The following NOL11 variants were observed in gnomAD, a reference collection of about 807,000 sequenced individuals.
NOL11 encodes the protein nucleolar protein 11.
Under a neutral mutation model 93.0 loss-of-function variants are expected in NOL11, and 42 were observed. The ratio of observed to expected loss-of-function variants is 0.45; its 90% CI spans 0.35 to 0.58. The LOEUF is 0.58. NOL11 is among the 20% of genes least tolerant of loss of function. NOL11 has a pLI of 0.00. For synonymous variants in NOL11, 296 were observed against 293.7 expected (o/e 1.01, Z -0.08); for missense variants, 775 against 841.8 (o/e 0.92, Z 0.98).
intron 6 of NOL11, among the ~76,000 whole-genome samples, chr17:67,725,477 G>T (rs1567800127): frequency 6.6e-6 from 1 of 152,176 alleles, no homozygotes; most frequent in Non-Finnish European, 1.5e-5. Flanking sequence ...GAAGGTGAAG[G>T]AGAAGTAAAC....
chr17:67,718,144 C>T, intron 1 of NOL11, 56 bp downstream of exon 1: 1 of 1,587,678 alleles, frequency 6.3e-7, no homozygotes. Flanking sequence ...TTTCTGAGCG[C>T]GGAGCTCGAG....
rs780197574 is a variant in NOL11, at chr17:67,722,648, T to C, written c.519+11T>C. On this transcript the variant is annotated intron_variant, in intron 5 of 17. Coordinates refer to ENST00000253247, the MANE Select transcript of NOL11 (RefSeq NM_015462.5). ...TTTATTACTGAAAAAGTAAGTGATA[T>C]CTTCAATTCCTGGCCCATTTTGTGA... The C allele has an allele frequency of 1.8e-5, 28 of 1,561,332 alleles. No individual in the cohort carries two copies. The Admixed American group carries it at 5.6e-4, about 31-fold the overall frequency.
At chr17:67,730,019 CAA>C (rs1337490741) in intron 7 of NOL11, among the ~76,000 whole-genome samples, 14 of 152,056 alleles carry the variant, frequency 9.2e-5, no homozygotes, top group East Asian at 1.9e-4. Context: ...GGATTACAGA[CAA>C]GAGCCACCAC....
intron 7 of NOL11, among the ~76,000 whole-genome samples, chr17:67,730,610 G>A (rs1431953514): frequency 6.7e-6 from 1 of 150,100 alleles, no homozygotes; most frequent in Admixed American, 6.7e-5. Flanking sequence ...GGGAATTACT[G>A]GGTCATGCGT....
chr17:67,734,541 C>A, intron 8 of NOL11, 102 bp downstream of exon 8: 2 of 694,874 alleles, frequency 2.9e-6, no homozygotes, highest in South Asian at 1.7e-5. Flanking sequence ...CCAGGCTGGT[C>A]TTTTACTCTT....
chr17:67,722,985 C>G (rs2043229648), intron 5 of NOL11, among the ~76,000 whole-genome samples: 1 of 150,516 alleles, frequency 6.6e-6, no homozygotes, highest in South Asian at 2.1e-4. Context: ...GCCACTGTGC[C>G]CAGCTGTGAA....
chr17:67,738,717 C>T (rs2055227130), intron 14 of NOL11: 1 of 496,530 alleles, frequency 2.0e-6, no homozygotes, highest in Admixed American at 3.8e-5. Context: ...AACACAGAAG[C>T]TCTATCAATT....
chr17:67,735,439 ATTAT>A (rs1264711279), intron 8 of NOL11, among the ~76,000 whole-genome samples: 3 of 151,750 alleles, frequency 2.0e-5, no homozygotes, highest in Non-Finnish European at 4.4e-5. Context: ...TTATCATTTT[ATTAT>A]TTATTATTAC....
chr17:67,738,407 T>C (rs374469016), intron 14 of NOL11, 52 bp downstream of exon 14: 8 of 1,157,390 alleles, frequency 6.9e-6, no homozygotes, highest in African/African-American at 4.7e-5. Flanking sequence ...GATATAGTTA[T>C]ATGCCAAGCA....
intron 16 of NOL11, among the ~76,000 whole-genome samples, chr17:67,742,196 T>C (rs1445376206): frequency 6.6e-6 from 1 of 152,218 alleles, no homozygotes. Flanking sequence ...AGGCATTCTT[T>C]TTCACATTCT....
Position 67,724,167 on chromosome 17 carries a change from G to A in NOL11, c.638G>A (p.Arg213Gln), listed in dbSNP as rs777905751. The change falls in exon 6 of 18, where the codon CGG (arginine) becomes CAG (glutamine). Residue 213 changes from arginine to glutamine, a missense_variant. Coordinates refer to ENST00000253247, the MANE Select transcript of NOL11 (RefSeq NM_015462.5). The part of the protein sequence containing the change: ...VIKSFTASVD[R>Q]KFISLMSLSS... Reference sequence around the variant, plus strand: ...AAGAGTTTTACTGCATCTGTAGATCGGAAATTCATCTCTTTGATGTCATTA... The same window carrying A: ...AAGAGTTTTACTGCATCTGTAGATCAGAAATTCATCTCTTTGATGTCATTA... 4.5e-6 allele frequency: 7 copies of A among 1,571,608 alleles called. No individual in the cohort carries two copies. The highest frequency in any genetic ancestry group is 4.1e-5 in the African/African-American group (3 of 72,416).
At position 67,737,922 on chromosome 17, in the gene NOL11, C is replaced by T. The variant is rs932707930; in HGVS notation, c.1479C>T (p.Phe493=). ...TGTTACAACTCTGTCTACAGCAGTT[C>T]CCTGACATTCCTGAATCAGTCACCT... The part of the protein sequence containing the change: ...VQLLQLCLQQ[F]PDIPESVTCA... Residue 493 remains phenylalanine, a synonymous_variant, in exon 13 of 18, where the codon TTC becomes TTT. Coordinates refer to ENST00000253247, the MANE Select transcript of NOL11 (RefSeq NM_015462.5). 3.5e-5 allele frequency: 57 copies of T among 1,613,274 alleles called. No homozygotes were observed. The highest frequency in any genetic ancestry group is 4.7e-5 in the Non-Finnish European group (55 of 1,179,782).
intron 3 of NOL11, 83 bp from the exon 4 acceptor site, chr17:67,721,291 CACTT>C: frequency 1.3e-6 from 1 of 760,098 alleles, no homozygotes; most frequent in Non-Finnish European, 2.0e-6. Context: ...ATAAAGCAGT[CACTT>C]AAAAAGAAGC....
intron 5 of NOL11, among the ~76,000 whole-genome samples, chr17:67,723,552 C>A (rs1031634231): frequency 4.8e-4 from 72 of 151,202 alleles, no homozygotes; most frequent in Non-Finnish European, 9.1e-4. Flanking sequence ...CTACTCCTGG[C>A]TAATTTTTGT....
At chr17:67,740,161 G>T (rs2055241545) in intron 16 of NOL11, among the ~76,000 whole-genome samples, 1 of 151,984 alleles carries the variant, frequency 6.6e-6, no homozygotes, top group Non-Finnish European at 1.5e-5. Context: ...TTTGAACCCA[G>T]GAGGCGGACG....
At chr17:67,727,666 A>G (rs1318519424) in intron 7 of NOL11, among the ~76,000 whole-genome samples, 1 of 151,878 alleles carries the variant, frequency 6.6e-6, no homozygotes, top group Non-Finnish European at 1.5e-5. Flanking sequence ...TCAAAAAAAA[A>G]AAAGATAGGA....
chr17:67,728,721 G>T (rs1433078683), intron 7 of NOL11, among the ~76,000 whole-genome samples: 1 of 151,996 alleles, frequency 6.6e-6, no homozygotes, highest in Non-Finnish European at 1.5e-5. Context: ...GCATACTGTT[G>T]TGTACCTTGT....
At chr17:67,720,073 G>T (rs1374168131) in intron 3 of NOL11, 111 bp downstream of exon 3, 1 of 988,814 alleles carries the variant, frequency 1.0e-6, no homozygotes, top group Admixed American at 3.5e-5. Context: ...TAAGCATAAG[G>T]TCCTAATCAG....
At chr17:67,735,873 T>A in intron 8 of NOL11, 27 bp from the exon 9 acceptor site, 1 of 1,595,398 alleles carries the variant, frequency 6.3e-7, no homozygotes, top group South Asian at 1.1e-5. Context: ...AAAAATTTGC[T>A]TATGTTTTTG....
Sources: gnomAD v4.1 joint callset for allele counts (sites outside exome capture counted in the v4.1 genomes callset) on GRCh38, gnomAD v4.1.1 for gene constraint, MANE v1.5 for transcripts, NCBI Gene and HGNC (gene_info 2026-07-23, HGNC 2026-07-21) for gene names.